Variants in DIPK1C observed in about 807,000 individuals in gnomAD.
The protein encoded by DIPK1C is divergent protein kinase domain 1C.
In DIPK1C, 33 loss-of-function variants were observed where a neutral mutation model predicts 28.0. That is an observed-to-expected ratio of 1.18 (90% CI 0.89 to 1.58). The LOEUF (loss-of-function observed/expected upper bound fraction) is 1.58, where lower values mean the gene tolerates loss of function less well. DIPK1C is among the 40% of genes most tolerant of loss of function. DIPK1C has a pLI of 0.00. For missense variants in DIPK1C, 569 were observed against 568.5 expected, an observed-to-expected ratio of 1.00 and a Z score of -0.01; for synonymous variants, 255 against 248.8, an observed-to-expected ratio of 1.02 and a Z score of -0.23.
rs929992740 is a variant in DIPK1C at position 74,457,280 on chromosome 18, G to A, written c.-21C>T. On this transcript the variant is annotated 5_prime_UTR_variant, in exon 1 of 4. Transcript: ENST00000343998. Reference sequence around the variant, plus strand: ...GCCATGGCCAGCCCTGCCCGCGCCCGGGCCCCACCGCCGCCCGCGCCCCGA... The same window carrying A: ...GCCATGGCCAGCCCTGCCCGCGCCCAGGCCCCACCGCCGCCCGCGCCCCGA... 4.2e-4 allele frequency: 412 copies of A among 984,338 alleles called. 1 individual carries two copies. In the African/African-American group the frequency reaches 6.7e-3, roughly 16 times the overall value. 61.0% of individuals were successfully genotyped at this position (984,338 alleles called of 1,614,324 possible). A position where few individuals can be genotyped will look rare whatever the true frequency, so the allele number is the denominator to read the frequency against.
chr18:74,456,906 G>A (rs1986526306), intron 1 of DIPK1C, among the ~76,000 whole-genome samples, 156 bp downstream of exon 1: 2 of 152,106 alleles, frequency 1.3e-5, no homozygotes, highest in Non-Finnish European at 2.9e-5. Context: ...GGGGGACCGG[G>A]GCGTGCGCCT....
At chr18:74,444,250 G>A (rs1235168133) in intron 2 of DIPK1C, among the ~76,000 whole-genome samples, 1 of 152,194 alleles carries the variant, frequency 6.6e-6, no homozygotes, top group African/African-American at 2.4e-5. Context: ...TTGGAAAAGA[G>A]CACTGGCTGG....
intron 3 of DIPK1C, among the ~76,000 whole-genome samples, chr18:74,437,664 T>A (rs1226366046): frequency 6.6e-6 from 1 of 152,134 alleles, no homozygotes; most frequent in East Asian, 1.9e-4. Flanking sequence ...CTAATTATGG[T>A]TTTTTTAAAA....
intron 1 of DIPK1C, among the ~76,000 whole-genome samples, chr18:74,451,064 G>T (rs1362657089): frequency 6.6e-6 from 1 of 152,160 alleles, no homozygotes; most frequent in Admixed American, 6.5e-5. Context: ...AAGGGTGGGG[G>T]GCCGGGGCAT....
At chr18:74,448,126 C>G (rs117485671) in intron 1 of DIPK1C, among the ~76,000 whole-genome samples, 2,233 of 152,284 alleles carry the variant, frequency 0.015, 20 homozygotes, top group Non-Finnish European at 0.021. Context: ...GCCCGATAAT[C>G]CTGCCAGAGG....
At chr18:74,454,061 G>A (rs191207825) in intron 1 of DIPK1C, among the ~76,000 whole-genome samples, 1 of 152,300 alleles carries the variant, frequency 6.6e-6, no homozygotes, top group East Asian at 1.9e-4. Context: ...TAGCTCCCCA[G>A]CTGGCTGGGC....
Position 74,445,958 on chromosome 18 carries a change from C to G in DIPK1C, c.876+648G>C, listed in dbSNP as rs757921688. Among the ~76,000 whole-genome samples, 6 of 152,344 alleles carry G rather than the reference C, an allele frequency of 3.9e-5. No individual in the cohort carries two copies. The South Asian group carries it at 8.3e-4, about 21-fold the overall frequency. On this transcript the variant is annotated intron_variant, in intron 2 of 3. Coordinates refer to ENST00000343998, the MANE Select transcript of DIPK1C (RefSeq NM_001044369.3). Reference sequence around the variant, plus strand: ...GTGTTACACGGAGACACTGAGGCTCCTGCTGCCGTTCTTGCACACCTCCCT... The same window carrying G: ...GTGTTACACGGAGACACTGAGGCTCGTGCTGCCGTTCTTGCACACCTCCCT...
upstream of DIPK1C, among the ~76,000 whole-genome samples, chr18:74,459,425 A>G (rs1986583659): frequency 6.6e-6 from 1 of 152,242 alleles, no homozygotes; most frequent in African/African-American, 2.4e-5. Context: ...TTTCATATTC[A>G]GCACTGTTTT....
chr18:74,453,962 GCAGCAGC>G (rs1245070478), intron 1 of DIPK1C, among the ~76,000 whole-genome samples: 1 of 152,198 alleles, frequency 6.6e-6, no homozygotes, highest in Admixed American at 6.5e-5. Flanking sequence ...GAGTCAACAG[GCAGCAGC>G]CCACATCTTC....
In DIPK1C at chr18:74,441,863, T is replaced by C. The variant is rs150075181; in HGVS notation, c.1041+89A>G. ...ATGGATGGCCTGAAAAGGTCGACCT[T>C]GAGCTCCACTGAGGGTATCTGAAGA... On this transcript the variant is annotated intron_variant, in intron 3 of 3. Coordinates refer to ENST00000343998, the MANE Select transcript of DIPK1C (RefSeq NM_001044369.3). 2.1e-4 allele frequency: 294 copies of C among 1,405,382 alleles called. No individual in the cohort carries two copies. In the African/African-American group the frequency reaches 3.8e-3, roughly 18 times the overall value. The allele number at this position is 1,405,382 out of a possible 1,614,324, so 87.1% of individuals were successfully genotyped here.
intron 2 of DIPK1C, among the ~76,000 whole-genome samples, chr18:74,442,932 C>T (rs1322969679): frequency 1.3e-5 from 2 of 152,202 alleles, no homozygotes; most frequent in Non-Finnish European, 1.5e-5. Context: ...ATTCGAGTGG[C>T]TGGTCTCCGG....
intron 3 of DIPK1C, among the ~76,000 whole-genome samples, 158 bp from the exon 4 acceptor site, chr18:74,436,877 T>C (rs1986009818): frequency 7.9e-6 from 1 of 126,228 alleles, no homozygotes; most frequent in South Asian, 2.9e-4. Context: ...TTTGGAAACA[T>C]GCCTTCACTT....
At position 74,435,937 on chromosome 18, in the gene DIPK1C, GCA is replaced by G. The variant is rs201234691; in HGVS notation, c.*562_*563del. On this transcript the variant is annotated 3_prime_UTR_variant, in exon 4 of 4. Transcript: ENST00000343998. ...CATGCTGACACCCGTGCACTCATGT[GCA>G]CACACTCATTCACACTCATACATAT... 2,071 of 157,818 alleles carry G rather than the reference GCA, an allele frequency of 0.013. 46 individuals are homozygous for G. The highest frequency in any genetic ancestry group is 0.047 in the African/African-American group (1,956 of 41,450). 9.8% of individuals were successfully genotyped at this position (157,818 alleles called of 1,614,324 possible). A position where few individuals can be genotyped will look rare whatever the true frequency, so the allele number is the denominator to read the frequency against.
chr18:74,441,434 T>C (rs1446280451), intron 3 of DIPK1C, among the ~76,000 whole-genome samples: 2 of 152,198 alleles, frequency 1.3e-5, no homozygotes, highest in African/African-American at 4.8e-5. Context: ...CCGCCAGCTC[T>C]GAATGCCTGA....
intron 1 of DIPK1C, among the ~76,000 whole-genome samples, chr18:74,451,807 CT>C (rs1986403531): frequency 6.6e-6 from 1 of 152,208 alleles, no homozygotes; most frequent in African/African-American, 2.4e-5. Flanking sequence ...TATAACCTAA[CT>C]TTTCAGTATC....
At position 74,457,210 on chromosome 18, in the gene DIPK1C, C is replaced by A; in HGVS notation, c.50G>T (p.Arg17Leu). The change falls in exon 1 of 4, where the codon CGC (arginine) becomes CTC (leucine). Residue 17 changes from arginine (R) to leucine (L), a missense_variant. Physicochemically the swap from Arg to Leu is moderately radical, Grantham distance 102. Coordinates refer to ENST00000343998, the MANE Select transcript of DIPK1C (RefSeq NM_001044369.3). ...ARGPAGWCRRRGRCGRGTLLA... is the reference protein window; with the variant it reads ...ARGPAGWCRRLGRCGRGTLLA... ...GAGCGTGCCCCGCCCGCAGCGCCCG[C>A]GCCTCCTGCACCACCCGGCAGGGCC... 3.4e-6 allele frequency: 4 copies of A among 1,183,016 alleles called. No individual in the cohort carries two copies. Among genetic ancestry groups the A allele is most frequent in the Non-Finnish European group, 4.2e-6 (4 of 958,444 alleles). The allele number at this position is 1,183,016 out of a possible 1,614,324, so 73.3% of individuals were successfully genotyped here. A position where few individuals can be genotyped will look rare whatever the true frequency, so the allele number is the denominator to read the frequency against.
Position 74,440,721 on chromosome 18 carries a change from G to C in DIPK1C, c.1041+1231C>G, listed in dbSNP as rs546847585. The stretch of plus-strand genomic sequence containing the variant: ...AGAAAGGGTATAAACTCAGCCTCTC[G>C]TTACATTGCAAAGAGCAGGCGTTTG... On this transcript the variant is annotated intron_variant, in intron 3 of 3. Transcript: ENST00000343998. 2.0e-5 allele frequency among the ~76,000 whole-genome samples: 3 copies of C among 152,296 alleles called. No individual in the cohort carries two copies. In the South Asian group the frequency reaches 6.2e-4, roughly 32 times the overall value.
intron 3 of DIPK1C, among the ~76,000 whole-genome samples, chr18:74,440,446 A>G (rs1433037352): frequency 6.6e-6 from 1 of 152,246 alleles, no homozygotes; most frequent in African/African-American, 2.4e-5. Context: ...CGTTAACAAT[A>G]TAGACACTTT....
In DIPK1C at chr18:74,436,421, G is replaced by T; in HGVS notation, c.*80C>A. ...CACCCCAGAGAGCACAGGGGAAATG[G>T]CTCATCTTTAAAACAATGGCAGAAG... is the stretch of plus-strand genomic sequence containing the variant. On this transcript the variant is annotated 3_prime_UTR_variant, in exon 4 of 4. Transcript: ENST00000343998. 1 of 1,359,194 alleles carries T rather than the reference G, an allele frequency of 7.4e-7. No homozygotes were observed. Among genetic ancestry groups the T allele is most frequent in the Non-Finnish European group, 1.0e-6 (1 of 1,004,492 alleles). 84.2% of individuals were successfully genotyped at this position (1,359,194 alleles called of 1,614,324 possible). A position where few individuals can be genotyped will look rare whatever the true frequency, so the allele number is the denominator to read the frequency against.
Sources: gnomAD v4.1 joint callset for allele counts (sites outside exome capture counted in the v4.1 genomes callset) on GRCh38, gnomAD v4.1.1 for gene constraint, MANE v1.5 for transcripts, NCBI Gene and HGNC (gene_info 2026-07-23, HGNC 2026-07-21) for gene names.